The following MMP2 variants were observed in gnomAD, a reference collection of about 807,000 sequenced individuals.
The protein encoded by MMP2 is 72 kDa type IV collagenase.
A neutral mutation model predicts 74.8 loss-of-function variants in MMP2; 39 were observed. The observed-to-expected ratio is 0.52, with a 90% confidence interval of 0.40 to 0.68. The LOEUF is 0.68. Ranked by LOEUF, MMP2 falls within the 30% of genes least tolerant of loss-of-function variation. The pLI, the probability that MMP2 is intolerant of heterozygous loss-of-function variation, is 0.00. For synonymous variants in MMP2, 367 were observed against 339.8 expected (o/e 1.08, Z -0.88); for missense variants, 803 against 878.3 (o/e 0.91, Z 1.08).
intron 12 of MMP2, among the ~76,000 whole-genome samples, chr16:55,504,934 G>A (rs1279215805): frequency 6.6e-6 from 1 of 150,688 alleles, no homozygotes; most frequent in Non-Finnish European, 1.5e-5. Flanking sequence ...TTACAGGCGT[G>A]AGCCACCGCG....
At chr16:55,499,276 C>T (rs1962607507) in intron 11 of MMP2, among the ~76,000 whole-genome samples, 1 of 152,008 alleles carries the variant, frequency 6.6e-6, no homozygotes. Context: ...CCTGGGAAAA[C>T]ATGTTAGTCT....
Position 55,479,366 on chromosome 16 carries a change from G to T in MMP2, c.-114G>T. Reference sequence around the variant, plus strand: ...GCAAACCCCAGGCCACCGAGCCAGCGGACCCTCGGAGCGCAGCCCTGCGCC... The same window carrying T: ...GCAAACCCCAGGCCACCGAGCCAGCTGACCCTCGGAGCGCAGCCCTGCGCC... On this transcript the variant is annotated 5_prime_UTR_variant, in exon 1 of 13. Transcript: ENST00000219070. 4 of 1,237,894 alleles carry T rather than the reference G, an allele frequency of 3.2e-6. No individual in the cohort carries two copies. Among genetic ancestry groups the T allele is most frequent in the Non-Finnish European group, 4.1e-6 (4 of 968,990 alleles). 76.7% of individuals were successfully genotyped at this position (1,237,894 alleles called of 1,614,324 possible). A position where few individuals can be genotyped will look rare whatever the true frequency, so the allele number is the denominator to read the frequency against.
chr16:55,481,704 G>A (rs1373340122), intron 1 of MMP2: 5 of 595,460 alleles, frequency 8.4e-6, no homozygotes, highest in Non-Finnish European at 1.2e-5. Flanking sequence ...GGGGGCTTAA[G>A]AAGATAACTC....
chr16:55,492,332 A>T (rs960599747), intron 8 of MMP2, among the ~76,000 whole-genome samples: 1 of 152,160 alleles, frequency 6.6e-6, no homozygotes, highest in Admixed American at 6.5e-5. Flanking sequence ...ATGTGGAATG[A>T]CCTTAACAAT....
intron 7 of MMP2, among the ~76,000 whole-genome samples, chr16:55,490,606 TAATGGCCAGGTC>T (rs767493230): frequency 6.6e-6 from 1 of 152,182 alleles, no homozygotes; most frequent in Non-Finnish European, 1.5e-5. Flanking sequence ...TGATGGCCCA[TAATGGCCAGGTC>T]AGTGGGCAGG....
At chr16:55,492,103 G>C in intron 8 of MMP2, 147 bp downstream of exon 8, 1 of 758,222 alleles carries the variant, frequency 1.3e-6, no homozygotes, top group Non-Finnish European at 2.2e-6. Flanking sequence ...GTGTTGACCT[G>C]GTCTTGGGAA....
In MMP2 at chr16:55,491,841, C is replaced by T. The variant is rs772843973; in HGVS notation, c.1221C>T (p.His407=). ...TCGTGGCAGCCCACGAGTTTGGCCA[C>T]GCCATGGGGCTGGAGCACTCCCAAG... is the stretch of plus-strand genomic sequence containing the variant. ...LFLVAAHEFG[H]AMGLEHSQDP... Residue 407 remains histidine (H), a synonymous_variant, in exon 8 of 13, where the codon CAC becomes CAT. Coordinates refer to ENST00000219070, the MANE Select transcript of MMP2 (RefSeq NM_004530.6). 1.3e-5 allele frequency: 21 copies of T among 1,614,070 alleles called. No individual in the cohort carries two copies. Among genetic ancestry groups the T allele is most frequent in the East Asian group, 4.5e-5 (2 of 44,876 alleles).
At chr16:55,488,865 T>C (rs1962329360) in intron 6 of MMP2, 149 bp downstream of exon 6, 1 of 832,980 alleles carries the variant, frequency 1.2e-6, no homozygotes, top group Non-Finnish European at 1.9e-6. Context: ...AAGATGTCCG[T>C]GTAGCTAGTC....
chr16:55,485,879 A>G (rs1461291228), intron 5 of MMP2, 102 bp downstream of exon 5: 1 of 1,248,192 alleles, frequency 8.0e-7, no homozygotes, highest in Non-Finnish European at 1.2e-6. Flanking sequence ...ACTGGCTGCC[A>G]CTGCCAGTTA....
chr16:55,483,958 C>T (rs1486095304), intron 2 of MMP2, 58 bp from the exon 3 acceptor site: 15 of 1,570,990 alleles, frequency 9.5e-6, no homozygotes, highest in Non-Finnish European at 1.2e-5. Context: ...CACATACTTG[C>T]ATATACATAC....
intron 1 of MMP2, chr16:55,481,561 C>T (rs1390340891): frequency 1.2e-5 from 4 of 343,440 alleles, no homozygotes; most frequent in Middle Eastern, 7.3e-4. Context: ...ACTAAGAATG[C>T]ATGCCTGCCC....
At chr16:55,493,042 G>T (rs1962449836) in intron 8 of MMP2, 116 bp from the exon 9 acceptor site, 1 of 1,307,558 alleles carries the variant, frequency 7.6e-7, no homozygotes, top group Non-Finnish European at 1.1e-6. Flanking sequence ...TTACACTAAG[G>T]CCAGAAGGCG....
chr16:55,479,175 G>T (rs17859831), upstream of MMP2: 6 of 214,934 alleles, frequency 2.8e-5, no homozygotes, highest in East Asian at 6.3e-4. Flanking sequence ...GGCTACATCT[G>T]GCGGCTGCCC....
chr16:55,487,596 G>A (rs1339767784), intron 5 of MMP2: 8 of 152,300 alleles, frequency 5.3e-5, no homozygotes, highest in African/African-American at 1.7e-4. Flanking sequence ...TGGAGTTAAC[G>A]GGGGCTGGTG....
chr16:55,493,953 C>T (rs1456898953), intron 9 of MMP2, among the ~76,000 whole-genome samples: 1 of 152,112 alleles, frequency 6.6e-6, no homozygotes, highest in Non-Finnish European at 1.5e-5. Flanking sequence ...TGAGGTTTAC[C>T]CTAATGCCCT....
Position 55,485,479 on chromosome 16 carries a change from C to T in MMP2, c.658+52C>T, listed in dbSNP as rs777926944. ...CAGACCTTCTCTCCTGTCCTCTCTC[C>T]ACTCCATTTGCTTGGACCAGAGAGG... On this transcript the variant is annotated intron_variant, in intron 4 of 12. Transcript: ENST00000219070. 6.2e-6 allele frequency: 10 copies of T among 1,613,592 alleles called. No homozygotes were observed. In the Admixed American group the frequency reaches 1.2e-4, roughly 19 times the overall value.
At chr16:55,481,771 A>T in intron 1 of MMP2, 1 of 713,718 alleles carries the variant, frequency 1.4e-6, no homozygotes, top group South Asian at 1.5e-5. Context: ...CAGCTGGCCT[A>T]GTGATGATGT....
Position 55,502,802 on chromosome 16 carries a change from T to C in MMP2, c.1793T>C (p.Met598Thr), listed in dbSNP as rs780872502. The change falls in exon 12 of 13, where the codon ATG becomes ACG. Residue 598 changes from methionine to threonine, a missense_variant. Physicochemically the swap from Met to Thr is moderately conservative, Grantham distance 81. Transcript: ENST00000219070. Reference sequence around the variant, plus strand: ...AGATACAATGAGGTGAAGAAGAAAATGGATCCTGGCTTCCCCAAGCTCATC... The same window carrying C: ...AGATACAATGAGGTGAAGAAGAAAACGGATCCTGGCTTCCCCAAGCTCATC... ...FWRYNEVKKK[M>T]DPGFPKLIAD... is the part of the protein sequence containing the mutation. 14 of 1,613,848 alleles carry C rather than the reference T, an allele frequency of 8.7e-6. No individual in the cohort carries two copies. The South Asian group carries it at 1.4e-4, about 16-fold the overall frequency.
chr16:55,493,876 T>C (rs1324556146), intron 9 of MMP2, among the ~76,000 whole-genome samples: 5 of 152,240 alleles, frequency 3.3e-5, no homozygotes, highest in South Asian at 4.1e-4. Context: ...GGTGAGTGAC[T>C]GCAGAGTAGA....
Sources: gnomAD v4.1 joint callset for allele counts (sites outside exome capture counted in the v4.1 genomes callset) on GRCh38, gnomAD v4.1.1 for gene constraint, MANE v1.5 for transcripts, NCBI Gene and HGNC (gene_info 2026-07-23, HGNC 2026-07-21) for gene names.